The following DPP9 variants were observed in gnomAD, a reference collection of about 807,000 sequenced individuals.
DPP9 encodes dipeptidyl peptidase IV-related protein-2.
Under a neutral mutation model 110.7 loss-of-function variants are expected in DPP9, and 50 were observed. That is an observed-to-expected ratio of 0.45 (90% CI 0.36 to 0.57). The LOEUF (loss-of-function observed/expected upper bound fraction) is 0.57. Ranked by LOEUF, DPP9 falls within the 20% of genes least tolerant of loss-of-function variation. The probability of loss-of-function intolerance (pLI) is 0.00; values close to 1 mark genes in which losing one functional copy is unlikely to be tolerated. For missense variants in DPP9, 1,022 were observed against 1,217.9 expected, an observed-to-expected ratio of 0.84 and a Z score of 2.39; for synonymous variants, 561 against 514.4, an observed-to-expected ratio of 1.09 and a Z score of -1.23.
intron 8 of DPP9, 86 bp from the exon 9 acceptor site, chr19:4,702,241 G>A (rs1599918091): frequency 1.3e-6 from 2 of 1,489,562 alleles, no homozygotes; most frequent in East Asian, 4.8e-5. Flanking sequence ...CAGCACCGGG[G>A]CCTGAAGATG....
intron 2 of DPP9, among the ~76,000 whole-genome samples, chr19:4,721,579 G>A (rs944012504): frequency 3.9e-5 from 6 of 152,180 alleles, no homozygotes; most frequent in Non-Finnish European, 7.3e-5. Flanking sequence ...TCTGGAGTTC[G>A]AGACCAGCCT....
At chr19:4,683,049 G>T (rs771687676) in intron 19 of DPP9, 10 of 1,507,786 alleles carry the variant, frequency 6.6e-6, no homozygotes, top group Non-Finnish European at 8.8e-6. Context: ...CAGGCGGGCA[G>T]GTGCGGCCCC....
At position 4,695,289 on chromosome 19, in the gene DPP9, A is replaced by G; in HGVS notation, c.1353+89T>C. The G allele has an allele frequency of 7.3e-7, 1 of 1,373,796 alleles. No homozygotes were observed. Among genetic ancestry groups the G allele is most frequent in the Non-Finnish European group, 9.7e-7 (1 of 1,030,680 alleles). The allele number at this position is 1,373,796 out of a possible 1,614,324, so 85.1% of individuals were successfully genotyped here. On this transcript the variant is annotated intron_variant, in intron 12 of 21. Coordinates refer to ENST00000262960, the MANE Select transcript of DPP9 (RefSeq NM_139159.5). This position sits in a 1 kb window ranked among gnomAD's most constrained non-coding sequence, Gnocchi z 4.7. ...CACACAAGGGCAAACACCACCTGCC[A>G]TTGGCGCTCAGCCTTCTAGGACGTG...
intron 13 of DPP9, among the ~76,000 whole-genome samples, chr19:4,691,173 C>T (rs2091282741): frequency 6.6e-6 from 1 of 152,166 alleles, no homozygotes; most frequent in Non-Finnish European, 1.5e-5. Context: ...ATGGCAGGCC[C>T]AGTGTTTCCC....
rs1279075944 is a variant in DPP9 at position 4,704,055 on chromosome 19, C to G, written c.601-1G>C. 1 of 1,613,978 alleles carries G rather than the reference C, an allele frequency of 6.2e-7. No homozygotes were observed. Among genetic ancestry groups the G allele is most frequent in the Non-Finnish European group, 8.5e-7 (1 of 1,179,878 alleles). ...TTTCCAGCGGTTTCATAGGGGACAC[C>G]TGAGGACAGAGACGCCCAGCTCAGG... On this transcript the variant is annotated splice_acceptor_variant, in intron 6 of 21. Coordinates refer to ENST00000262960, the MANE Select transcript of DPP9 (RefSeq NM_139159.5). LOFTEE classifies it high-confidence loss of function. This position sits in a 1 kb window ranked among gnomAD's most constrained non-coding sequence, Gnocchi z 6.0.
Position 4,679,880 on chromosome 19 carries a change from G to A in DPP9, c.2541C>T (p.Phe847=), listed in dbSNP as rs760668380. The change falls in exon 21 of 22, where the codon TTC becomes TTT. Residue 847 remains phenylalanine (F), a synonymous_variant. Coordinates refer to ENST00000262960, the MANE Select transcript of DPP9 (RefSeq NM_139159.5). ...CTGCTCGGATCAGTTGGGAGACGAG[G>A]AAGTTTGTGTGGAAAAAGTGCACGT... ...DENVHFFHTN[F]LVSQLIRAGK... 6.2e-7 allele frequency: 1 copy of A among 1,613,636 alleles called. No homozygotes were observed.
chr19:4,710,033 C>T lies in DPP9; in HGVS notation c.313+4048G>A, dbSNP rs1450583311. ...TGGCACTATGATGGTGACAACTGGCCTTTGAGGCAAGGGCTAGAGGTGACC... is the reference window on the plus strand; with the variant it reads ...TGGCACTATGATGGTGACAACTGGCTTTTGAGGCAAGGGCTAGAGGTGACC... On this transcript the variant is annotated intron_variant, in intron 4 of 21. Coordinates refer to ENST00000262960, the MANE Select transcript of DPP9 (RefSeq NM_139159.5). The surrounding 1 kb of genome is among the most constrained non-coding windows in gnomAD (Gnocchi z 5.6). 6.6e-6 allele frequency among the ~76,000 whole-genome samples: 1 copy of T among 152,220 alleles called. No individual in the cohort carries two copies. The highest frequency in any genetic ancestry group is 2.4e-5 in the African/African-American group (1 of 41,462).
Position 4,698,985 on chromosome 19 carries a change from C to T in DPP9, c.1074+1231G>A, listed in dbSNP as rs918719607. ...CGTCCTGGCTAACACGGTGAAACCC[C>T]GTCTCTAATAAAAAATACAAAAAAT... On this transcript the variant is annotated intron_variant, in intron 10 of 21. Coordinates refer to ENST00000262960, the MANE Select transcript of DPP9 (RefSeq NM_139159.5). This position sits in a 1 kb window ranked among gnomAD's most constrained non-coding sequence, Gnocchi z 4.2. Among the ~76,000 whole-genome samples, 5 of 151,470 alleles carry T rather than the reference C, an allele frequency of 3.3e-5. No individual in the cohort carries two copies. The highest frequency in any genetic ancestry group is 5.9e-5 in the Non-Finnish European group (4 of 67,884).
At chr19:4,712,642 G>C (rs2092889236) in intron 4 of DPP9, among the ~76,000 whole-genome samples, 1 of 152,198 alleles carries the variant, frequency 6.6e-6, no homozygotes, top group African/African-American at 2.4e-5. Context: ...TCCTGCTGTA[G>C]CTTGAGAACA....
At chr19:4,699,532 G>T (rs983181089) in intron 10 of DPP9, among the ~76,000 whole-genome samples, 2 of 152,156 alleles carry the variant, frequency 1.3e-5, no homozygotes, top group African/African-American at 4.8e-5. Context: ...GGCTGCAGGG[G>T]GTGGCTACGG....
Position 4,689,903 on chromosome 19 carries a change from G to A in DPP9, c.1597-181C>T, listed in dbSNP as rs1172775735. 2.0e-5 allele frequency among the ~76,000 whole-genome samples: 3 copies of A among 152,170 alleles called. No individual in the cohort carries two copies. Among genetic ancestry groups the A allele is most frequent in the Admixed American group, 6.5e-5 (1 of 15,288 alleles). ...CTGAGAGATGCGCTTATCTGGCCCC[G>A]TGGGCTGGGAGCAGCCCCTGGTCGA... On this transcript the variant is annotated intron_variant, in intron 14 of 21. Coordinates refer to ENST00000262960, the MANE Select transcript of DPP9 (RefSeq NM_139159.5). The surrounding 1 kb of genome is among the most constrained non-coding windows in gnomAD (Gnocchi z 7.0).
intron 15 of DPP9, 70 bp from the exon 16 acceptor site, chr19:4,688,962 G>T: frequency 6.8e-7 from 1 of 1,471,296 alleles, no homozygotes; most frequent in South Asian, 1.4e-5. Context: ...GCCGACCGCA[G>T]ATCCAGGGTA....
At position 4,704,339 on chromosome 19, in the gene DPP9, T is replaced by C. The variant is rs778129023; in HGVS notation, c.427-35A>G. The C allele has an allele frequency of 2.5e-6, 4 of 1,587,578 alleles. No homozygotes were observed. Among genetic ancestry groups the C allele is most frequent in the Non-Finnish European group, 2.6e-6 (3 of 1,165,710 alleles). On this transcript the variant is annotated intron_variant, in intron 5 of 21. Coordinates refer to ENST00000262960, the MANE Select transcript of DPP9 (RefSeq NM_139159.5). This position sits in a 1 kb window ranked among gnomAD's most constrained non-coding sequence, Gnocchi z 6.0. ...TACAGGGGACAGGGGGCAGCGTCAG[T>C]GGGCAAAGAGGATCTCCCGCTGGCC...
chr19:4,697,755 A>C, intron 10 of DPP9, 104 bp from the exon 11 acceptor site: 1 of 879,932 alleles, frequency 1.1e-6, no homozygotes, highest in Non-Finnish European at 1.8e-6. Flanking sequence ...CCAAATTCAT[A>C]TGCTGGAGTC....
intron 3 of DPP9, among the ~76,000 whole-genome samples, 155 bp from the exon 4 acceptor site, chr19:4,714,492 C>A (rs1489216326): frequency 2.0e-5 from 3 of 152,164 alleles, no homozygotes; most frequent in Non-Finnish European, 2.9e-5. Context: ...TGGTCTACCT[C>A]TCTCCATGTC....
At position 4,682,923 on chromosome 19, in the gene DPP9, G is replaced by A. The variant is rs532150058; in HGVS notation, c.2332-85C>T. Reference sequence around the variant, plus strand: ...TACAGCCAGCATCAGCCGCTGTCCCGGGGCCGCCCTGGAGCCCGTGAGGAG... The same window carrying A: ...TACAGCCAGCATCAGCCGCTGTCCCAGGGCCGCCCTGGAGCCCGTGAGGAG... On this transcript the variant is annotated intron_variant, in intron 19 of 21. Coordinates refer to ENST00000262960, the MANE Select transcript of DPP9 (RefSeq NM_139159.5). This position sits in a 1 kb window ranked among gnomAD's most constrained non-coding sequence, Gnocchi z 7.1. 44 of 1,537,486 alleles carry A rather than the reference G, an allele frequency of 2.9e-5. No individual in the cohort carries two copies. In the East Asian group the frequency reaches 2.9e-4, roughly 10 times the overall value.
At position 4,684,623 on chromosome 19, in the gene DPP9, G is replaced by A. The variant is rs199934960; in HGVS notation, c.2178+40C>T. On this transcript the variant is annotated intron_variant, in intron 18 of 21. Transcript: ENST00000262960. The surrounding 1 kb of genome is among the most constrained non-coding windows in gnomAD (Gnocchi z 4.8). ...CCACACGGCCCAGGGCTCCCTTCCC[G>A]AGACCCAAAGGACCCAGAGCAACAG... The A allele has an allele frequency of 1.8e-4, 287 of 1,609,172 alleles. No individual in the cohort carries two copies. Among genetic ancestry groups the A allele is most frequent in the Non-Finnish European group, 2.3e-4 (271 of 1,177,762 alleles).
At chr19:4,709,683 T>C (rs891098382) in intron 4 of DPP9, among the ~76,000 whole-genome samples, 1 of 152,158 alleles carries the variant, frequency 6.6e-6, no homozygotes, top group African/African-American at 2.4e-5. Flanking sequence ...GAGTGAATGT[T>C]CTAGAAGTAG....
rs117870284 is a variant in DPP9, at chr19:4,692,141, C to T, written c.1517-1184G>A. 4.0e-3 allele frequency among the ~76,000 whole-genome samples: 605 copies of T among 152,166 alleles called. 4 individuals are homozygous for T. The highest frequency in any genetic ancestry group is 7.4e-3 in the Non-Finnish European group (500 of 67,970). Reference sequence around the variant, plus strand: ...GGCTGGAACAAGATGCTGGTGAAAGCGCTAGGGCTAGAGACCAAGGCTCTG... The same window carrying T: ...GGCTGGAACAAGATGCTGGTGAAAGTGCTAGGGCTAGAGACCAAGGCTCTG... On this transcript the variant is annotated intron_variant, in intron 13 of 21. Transcript: ENST00000262960.
Sources: allele counts gnomAD v4.1 joint callset (sites outside exome capture counted in the v4.1 genomes callset), GRCh38; gene constraint gnomAD v4.1.1; non-coding constraint Gnocchi (gnomAD v3.1); transcripts MANE v1.5; gene names NCBI Gene and HGNC (gene_info 2026-07-23, HGNC 2026-07-21).